LRRC56: variants seen among roughly 807,000 people sequenced by gnomAD.
The protein encoded by LRRC56 is leucine-rich repeat-containing protein 56.
In LRRC56, 41 loss-of-function variants were observed where a neutral mutation model predicts 47.8. That is an observed-to-expected ratio of 0.86 (90% confidence interval 0.67 to 1.11). The LOEUF is 1.11. Ranked by LOEUF, LRRC56 falls within the 50% of genes most tolerant of loss-of-function variation. The pLI, the probability that LRRC56 is intolerant of heterozygous loss-of-function variation, is 0.00. For synonymous variants in LRRC56, 387 were observed against 311.2 expected, an observed-to-expected ratio of 1.24 and a Z score of -2.56; for missense variants, 759 against 704.2, an observed-to-expected ratio of 1.08 and a Z score of -0.88.
At chr11:528,145 A>G in the LRRC56 span, among the ~76,000 whole-genome samples, 3 of 152,184 alleles carry the variant, frequency 2.0e-5, no homozygotes, top group Non-Finnish European at 4.4e-5. Flanking sequence ...CTGAAACTCT[A>G]CATTTTTATC....
chr11:519,288 G>A, the LRRC56 span, among the ~76,000 whole-genome samples: 4 of 140,166 alleles, frequency 2.9e-5, no homozygotes, highest in Non-Finnish European at 1.6e-5. Context: ...TGATACACAG[G>A]TGAGCTTTAT....
rs557883800 is a variant in LRRC56, at chr11:541,447, G to A, written c.178-90G>A. On this transcript the variant is annotated intron_variant, in intron 4 of 13. Coordinates refer to ENST00000270115, the MANE Select transcript of LRRC56 (RefSeq NM_198075.4). The surrounding 1 kb of genome is among the most constrained non-coding windows in gnomAD (Gnocchi z 4.1). ...GGGAAACGTCGGTGCCTGCTCCAGC[G>A]GGAGCCCCAGAGTCCTGTAGCCAGA... is the stretch of plus-strand genomic sequence containing the variant. 7.3e-5 allele frequency: 51 copies of A among 697,204 alleles called. No homozygotes were observed. In the East Asian group the frequency reaches 7.6e-4, roughly 10 times the overall value. 43.2% of individuals were successfully genotyped at this position (697,204 alleles called of 1,614,324 possible). A position where few individuals can be genotyped will look rare whatever the true frequency, so the allele number is the denominator to read the frequency against.
chr11:546,039 G>C (rs903509887), intron 6 of LRRC56, among the ~76,000 whole-genome samples: 3 of 152,224 alleles, frequency 2.0e-5, no homozygotes, highest in Admixed American at 2.0e-4. Flanking sequence ...GGGAGGCCGA[G>C]GTGGGCAGAT....
chr11:550,075 C>G lies in LRRC56; in HGVS notation c.427C>G (p.Leu143Val). Residue 143 changes from leucine to valine, a missense_variant, in exon 8 of 14, where the codon CTC (leucine) becomes GTC (valine). Leu to Val is a conservative substitution (Grantham distance 32). Transcript: ENST00000270115. Reference sequence around the variant, plus strand: ...CTCAGAGCCCCGCGCTGCCCAGGAACTCTACGCCTCCTACAACAACATCTC... The same window carrying G: ...CTCAGAGCCCCGCGCTGCCCAGGAAGTCTACGCCTCCTACAACAACATCTC... ...GIASLPALKE[L>V]YASYNNISDL... The G allele has an allele frequency of 6.2e-7, 1 of 1,612,012 alleles. No individual in the cohort carries two copies. The highest frequency in any genetic ancestry group is 1.1e-5 in the South Asian group (1 of 90,984).
chr11:534,816 T>C (rs1401099842), upstream of LRRC56, among the ~76,000 whole-genome samples: 1 of 152,072 alleles, frequency 6.6e-6, no homozygotes, highest in African/African-American at 2.4e-5. Context: ...CGACAAGTAT[T>C]TGCTGAGCGC....
the LRRC56 span, among the ~76,000 whole-genome samples, chr11:520,296 C>T: frequency 2.5e-3 from 170 of 67,136 alleles, 28 homozygotes; most frequent in Middle Eastern, 0.027. Flanking sequence ...TATTAGAACG[C>T]GGCCTGATAC....
Position 551,746 on chromosome 11 carries a change from C to T in LRRC56, c.892C>T (p.Leu298=), listed in dbSNP as rs144149305. 2.5e-6 allele frequency: 4 copies of T among 1,611,476 alleles called. No homozygotes were observed. The highest frequency in any genetic ancestry group is 3.4e-6 in the Non-Finnish European group (4 of 1,179,296). Residue 298 remains leucine (L), a synonymous_variant, in exon 10 of 14, where the codon CTG becomes TTG. Transcript: ENST00000270115. The stretch of plus-strand genomic sequence containing the variant: ...CTCCAGGCCCTGGCCCTTCTCCCTG[C>T]TGGTCCGTGGGGGCCCCCTGCCTGA... ...RASRPWPFSL[L]VRGGPLPEGL...
rs1852379701 is a variant in LRRC56 at position 551,373 on chromosome 11, G to A, written c.796+71G>A. 6 of 1,063,182 alleles carry A rather than the reference G, an allele frequency of 5.6e-6. No homozygotes were observed. The South Asian group carries it at 9.6e-5, about 17-fold the overall frequency. 65.9% of individuals were successfully genotyped at this position (1,063,182 alleles called of 1,614,324 possible). On this transcript the variant is annotated intron_variant, in intron 9 of 13. Coordinates refer to ENST00000270115, the MANE Select transcript of LRRC56 (RefSeq NM_198075.4). ...CCCCAGGAAGAGGCCCCCACCCCAGGCTTCTCAGAAACGGATAGCCACATC... is the reference window on the plus strand; with the variant it reads ...CCCCAGGAAGAGGCCCCCACCCCAGACTTCTCAGAAACGGATAGCCACATC...
chr11:549,160 G>A (rs1009813445), intron 6 of LRRC56, among the ~76,000 whole-genome samples: 1 of 152,160 alleles, frequency 6.6e-6, no homozygotes, highest in Non-Finnish European at 1.5e-5. Flanking sequence ...CCGTGAACTG[G>A]ACAGAAAGAA....
intron 6 of LRRC56, among the ~76,000 whole-genome samples, chr11:549,203 A>G (rs763570117): frequency 2.3e-4 from 35 of 152,228 alleles, no homozygotes; most frequent in Non-Finnish European, 4.3e-4. Flanking sequence ...CCCTGGAGGA[A>G]TCTGTGGCTC....
intron 13 of LRRC56, 145 bp downstream of exon 13, chr11:552,847 C>T (rs1852486921): frequency 1.3e-6 from 1 of 743,442 alleles, no homozygotes; most frequent in African/African-American, 1.8e-5. Flanking sequence ...CAGGGAGGCC[C>T]CCTTCTGGGG....
chr11:554,544 C>T lies in LRRC56; in HGVS notation c.*268C>T, dbSNP rs577144769. On this transcript the variant is annotated 3_prime_UTR_variant, in exon 14 of 14. Coordinates refer to ENST00000270115, the MANE Select transcript of LRRC56 (RefSeq NM_198075.4). Reference sequence around the variant, plus strand: ...CCTTCCTTAGGGCCAGGCTTTCCCGCGGGCACGGGGGTGGGGGGTGGTCAC... The same window carrying T: ...CCTTCCTTAGGGCCAGGCTTTCCCGTGGGCACGGGGGTGGGGGGTGGTCAC... 2 of 338,362 alleles carry T rather than the reference C, an allele frequency of 5.9e-6. No homozygotes were observed. Among genetic ancestry groups the T allele is most frequent in the South Asian group, 9.5e-5 (1 of 10,554 alleles). 21.0% of individuals were successfully genotyped at this position (338,362 alleles called of 1,614,324 possible). A position where few individuals can be genotyped will look rare whatever the true frequency, so the allele number is the denominator to read the frequency against.
chr11:517,081 C>G, the LRRC56 span, among the ~76,000 whole-genome samples: 1 of 152,378 alleles, frequency 6.6e-6, no homozygotes, highest in African/African-American at 2.4e-5. Flanking sequence ...GGCTCCTGAC[C>G]TCCAATGGTC....
rs71022928 is a variant in LRRC56 at position 542,580 on chromosome 11, C to CAAA, written c.265+978_265+980dup. Among the ~76,000 whole-genome samples the CAAA allele has an allele frequency of 6.9e-3, 179 of 25,836 alleles. 4 individuals carry two copies. Among genetic ancestry groups the CAAA allele is most frequent in the African/African-American group, 0.024 (109 of 4,632 alleles). 16.9% of individuals were successfully genotyped at this position (25,836 alleles called of 152,430 possible). On this transcript the variant is annotated intron_variant, in intron 5 of 13. Coordinates refer to ENST00000270115, the MANE Select transcript of LRRC56 (RefSeq NM_198075.4). ...TGGGCGACAGAGCAAAACCCTGTCG[C>CAAA]AAAAAAAAAAAAAAAAAAAAAAAAC...
chr11:533,779 T>C (rs587782949), upstream of LRRC56: 4 of 1,613,210 alleles, frequency 2.5e-6, no homozygotes. Context: ...TACTGGTGGA[T>C]GTCCTCAAAA....
the LRRC56 span, among the ~76,000 whole-genome samples, chr11:513,145 T>C: frequency 6.6e-6 from 1 of 152,222 alleles, no homozygotes; most frequent in African/African-American, 2.4e-5. Context: ...GCTGTTTTGT[T>C]TTGTTTTTCT....
chr11:518,879 C>T, the LRRC56 span, among the ~76,000 whole-genome samples: 5 of 148,366 alleles, frequency 3.4e-5, no homozygotes, highest in African/African-American at 1.3e-4. Flanking sequence ...GCGCCCTCTG[C>T]CGGCCGCTCT....
intron 13 of LRRC56, 101 bp from the exon 14 acceptor site, chr11:553,862 C>T (rs1234708324): frequency 5.9e-6 from 6 of 1,022,310 alleles, no homozygotes; most frequent in Non-Finnish European, 8.8e-6. Context: ...AGGACCACTG[C>T]CTCGGGGCTG....
upstream of LRRC56, among the ~76,000 whole-genome samples, chr11:535,086 G>A (rs561764988): frequency 1.3e-5 from 2 of 152,096 alleles, no homozygotes; most frequent in African/African-American, 4.8e-5. Flanking sequence ...TGCCGTGGCC[G>A]CGGCCGCCTC....
Sources: allele counts gnomAD v4.1 joint callset (sites outside exome capture counted in the v4.1 genomes callset), GRCh38; gene constraint gnomAD v4.1.1; non-coding constraint Gnocchi (gnomAD v3.1); transcripts MANE v1.5; gene names NCBI Gene and HGNC (gene_info 2026-07-23, HGNC 2026-07-21).